The following ADORA2A variants were observed in gnomAD, a reference collection of about 807,000 sequenced individuals.
ADORA2A encodes adenosine receptor A2a.
A neutral mutation model predicts 18.4 loss-of-function variants in ADORA2A; 11 were observed. That is an observed-to-expected ratio of 0.60 (90% CI 0.38 to 0.99). The LOEUF is 0.99. Ranked by LOEUF, ADORA2A falls within the 50% of genes least tolerant of loss-of-function variation. The pLI is 0.01. For synonymous variants in ADORA2A, 218 were observed against 237.3 expected, an observed-to-expected ratio of 0.92 and a Z score of 0.75; for missense variants, 449 against 556.1, an observed-to-expected ratio of 0.81 and a Z score of 1.94.
intron 1 of ADORA2A, chr22:24,429,333 T>C (rs1360482845): frequency 6.6e-6 from 1 of 152,306 alleles, no homozygotes; most frequent in East Asian, 1.9e-4. Flanking sequence ...AGAGGCATTA[T>C]GCACATTCCG....
At position 24,440,900 on chromosome 22, in the gene ADORA2A, C is replaced by T. The variant is rs199725333; in HGVS notation, c.650C>T (p.Pro217Leu). Residue 217 changes from proline (P) to leucine (L), a missense_variant, in exon 3 of 3, where the codon CCG becomes CTG. Pro to Leu is a moderately conservative substitution (Grantham distance 98, BLOSUM62 -3). Coordinates refer to ENST00000337539, the MANE Select transcript of ADORA2A (RefSeq NM_000675.6). ...AAGCAGATGGAGAGCCAGCCTCTGC[C>T]GGGGGAGCGGGCACGGTCCACACTG... Reference protein sequence around the residue: ...QLKQMESQPLPGERARSTLQK... With the variant: ...QLKQMESQPLLGERARSTLQK... The T allele has an allele frequency of 3.1e-6, 5 of 1,614,030 alleles. No homozygotes were observed. The highest frequency in any genetic ancestry group is 1.3e-5 in the African/African-American group (1 of 74,904).
chr22:24,425,301 T>C (rs961977765), upstream of ADORA2A, among the ~76,000 whole-genome samples: 21 of 136,244 alleles, frequency 1.5e-4, no homozygotes, highest in African/African-American at 5.5e-4. Context: ...CTGGAGGCCT[T>C]GGGTGGGGCT....
Position 24,433,121 on chromosome 22 carries a change from C to A in ADORA2A, c.-274-10C>A. On this transcript the variant is annotated splice_polypyrimidine_tract_variant and intron_variant, in intron 1 of 2. Coordinates refer to ENST00000337539, the MANE Select transcript of ADORA2A (RefSeq NM_000675.6). ...GATGGTTCAGCTTCTCATCGGCTGT[C>A]CCTTTGCAGGTGCCTCAGGAACCCT... 1 of 550,844 alleles carries A rather than the reference C, an allele frequency of 1.8e-6. No individual in the cohort carries two copies. The highest frequency in any genetic ancestry group is 3.3e-6 in the Non-Finnish European group (1 of 307,062). The allele number at this position is 550,844 out of a possible 1,614,324, so 34.1% of individuals were successfully genotyped here. A position where few individuals can be genotyped will look rare whatever the true frequency, so the allele number is the denominator to read the frequency against.
chr22:24,437,861 G>A (rs2043217848), intron 2 of ADORA2A, among the ~76,000 whole-genome samples: 1 of 152,264 alleles, frequency 6.6e-6, no homozygotes, highest in Non-Finnish European at 1.5e-5. Context: ...CCTTCGGGTT[G>A]GCTCTGGTGT....
upstream of ADORA2A, among the ~76,000 whole-genome samples, chr22:24,426,732 G>A (rs898695531): frequency 1.3e-5 from 2 of 152,198 alleles, no homozygotes; most frequent in Non-Finnish European, 2.9e-5. Context: ...CAGGTGGAGA[G>A]AGGAGCAGCA....
At chr22:24,428,256 C>T (rs961292795) in intron 1 of ADORA2A, among the ~76,000 whole-genome samples, 14 of 152,200 alleles carry the variant, frequency 9.2e-5, no homozygotes, top group African/African-American at 3.1e-4. Context: ...CACAACCTGC[C>T]GTGCCCTGCC....
At chr22:24,437,779 C>T (rs560422516) in intron 2 of ADORA2A, among the ~76,000 whole-genome samples, 2 of 152,368 alleles carry the variant, frequency 1.3e-5, no homozygotes, top group South Asian at 4.1e-4. Context: ...GAAGACTCCC[C>T]TTGTGGGTTC....
At chr22:24,424,835 G>T (rs1209469227), upstream of ADORA2A, among the ~76,000 whole-genome samples, 1 of 152,176 alleles carries the variant, frequency 6.6e-6, no homozygotes, top group African/African-American at 2.4e-5. The surrounding 1 kb of genome is among the most constrained non-coding windows in gnomAD (Gnocchi z 4.9). Context: ...GGAGGAGGCC[G>T]CGGGCCGGCA....
At chr22:24,432,323 A>C (rs1425170075) in intron 1 of ADORA2A, 1 of 153,172 alleles carries the variant, frequency 6.5e-6, no homozygotes, top group East Asian at 1.9e-4. Flanking sequence ...TCCGAGCTCC[A>C]GGGGTCTCTG....
At chr22:24,438,798 G>T (rs2043247474) in intron 2 of ADORA2A, 2 of 152,202 alleles carry the variant, frequency 1.3e-5, no homozygotes, top group African/African-American at 4.8e-5. Context: ...GAGATCGGAA[G>T]CCACCAGGGT....
intron 1 of ADORA2A, chr22:24,431,225 C>T (rs925974774): frequency 2.2e-6 from 1 of 456,814 alleles, no homozygotes; most frequent in Non-Finnish European, 4.4e-6. Context: ...TCTCCAGCTG[C>T]TGCAGGCCCT....
Position 24,440,766 on chromosome 22 carries a change from C to T in ADORA2A, c.516C>T (p.Val172=), listed in dbSNP as rs750210199. ...GQVACLFEDV[V]PMNYMVYFNF... is the part of the protein sequence containing the mutation. ...TGGCCTGTCTCTTTGAGGATGTGGT[C>T]CCCATGAACTACATGGTGTACTTCA... Residue 172 remains valine, a synonymous_variant, in exon 3 of 3, where the codon GTC becomes GTT. Coordinates refer to ENST00000337539, the MANE Select transcript of ADORA2A (RefSeq NM_000675.6). The T allele has an allele frequency of 6.2e-7, 1 of 1,614,188 alleles. No homozygotes were observed. Among genetic ancestry groups the T allele is most frequent in the Admixed American group, 1.7e-5 (1 of 60,022 alleles).
At chr22:24,425,282 T>G (rs2042904621), upstream of ADORA2A, among the ~76,000 whole-genome samples, 1 of 150,068 alleles carries the variant, frequency 6.7e-6, no homozygotes, top group Middle Eastern at 3.4e-3. Context: ...GGCCCTGCTT[T>G]GGCCGTTCCT....
intron 1 of ADORA2A, chr22:24,431,423 T>TG (rs1249191344): frequency 1.5e-5 from 7 of 456,548 alleles, no homozygotes; most frequent in African/African-American, 6.0e-5. Flanking sequence ...GCATTGGAGT[T>TG]GGAGGGAAAG....
intron 1 of ADORA2A, 163 bp from the exon 2 acceptor site, chr22:24,432,968 G>C (rs964586486): frequency 9.2e-5 from 20 of 218,408 alleles, no homozygotes; most frequent in Non-Finnish European, 2.8e-5. Context: ...ATGGGGCTAG[G>C]CGGGGTCAGG....
Position 24,441,489 on chromosome 22 carries a change from A to T in ADORA2A, c.1239A>T (p.Ter413CysextTer1), listed in dbSNP as rs1568954649. ...CCCAGGATGGAGCAGGAGTGTCCTGATGATTCATGGAGTTTGCCCCTTCCT... is the reference window on the plus strand; with the variant it reads ...CCCAGGATGGAGCAGGAGTGTCCTGTTGATTCATGGAGTTTGCCCCTTCCT... ...PLAQDGAGVS* is the reference protein window; with the variant it reads ...PLAQDGAGVSC The change falls in exon 3 of 3, where the codon TGA becomes TGT. Residue 413 changes from the stop codon to cysteine (C), a stop_lost. Transcript: ENST00000337539. 2.0e-6 allele frequency: 3 copies of T among 1,506,058 alleles called. No homozygotes were observed. Among genetic ancestry groups the T allele is most frequent in the Non-Finnish European group, 2.7e-6 (3 of 1,127,970 alleles). 93.3% of individuals were successfully genotyped at this position (1,506,058 alleles called of 1,614,324 possible).
Position 24,433,415 on chromosome 22 carries a change from T to C in ADORA2A, c.11T>C (p.Met4Thr), listed in dbSNP as rs201121703. The change falls in exon 2 of 3, where the codon ATG becomes ACG. Residue 4 changes from methionine to threonine, a missense_variant. By Grantham distance (81) the Met-to-Thr change is moderately conservative. Coordinates refer to ENST00000337539, the MANE Select transcript of ADORA2A (RefSeq NM_000675.6). ...CTGTCGTCTGTGGCCATGCCCATCA[T>C]GGGCTCCTCGGTGTACATCACGGTG... MPI[M>T]GSSVYITVEL... 148 of 1,611,572 alleles carry C rather than the reference T, an allele frequency of 9.2e-5. No homozygotes were observed. Among genetic ancestry groups the C allele is most frequent in the Non-Finnish European group, 6.5e-5 (77 of 1,179,090 alleles).
intron 1 of ADORA2A, chr22:24,429,710 A>C (rs1177628453): frequency 6.6e-6 from 1 of 152,426 alleles, no homozygotes; most frequent in East Asian, 1.9e-4. Flanking sequence ...TTTGGGCCTC[A>C]GTTTCCTCAT....
chr22:24,429,146 T>G (rs1029820104), intron 1 of ADORA2A: 1 of 152,292 alleles, frequency 6.6e-6, no homozygotes, highest in African/African-American at 2.4e-5. Context: ...AGCCACCATC[T>G]GGGCATGTGT....
Sources: gnomAD v4.1 joint callset for allele counts (sites outside exome capture counted in the v4.1 genomes callset) on GRCh38, gnomAD v4.1.1 for gene constraint, Gnocchi (gnomAD v3.1) non-coding constraint, MANE v1.5 for transcripts, NCBI Gene and HGNC (gene_info 2026-07-23, HGNC 2026-07-21) for gene names.